KSR2: variants seen among roughly 807,000 people sequenced by gnomAD.
KSR2 encodes the protein kinase suppressor of ras 2.
KSR2 carries 25 observed loss-of-function variants against 107.8 expected under a neutral mutation model. The ratio of observed to expected loss-of-function variants is 0.23; its 90% CI spans 0.17 to 0.32. The LOEUF (loss-of-function observed/expected upper bound fraction) is 0.32, where lower values mean the gene tolerates loss of function less well. KSR2 is among the 10% of genes least tolerant of loss of function. The pLI is 1.00. For synonymous variants in KSR2, 480 were observed against 507.0 expected (o/e 0.95, Z 0.71); for missense variants, 887 against 1,268.9 (o/e 0.70, Z 4.57).
intron 1 of KSR2, among the ~76,000 whole-genome samples, chr12:117,939,670 C>A (rs1593387205): frequency 6.6e-6 from 1 of 151,950 alleles, no homozygotes; most frequent in South Asian, 2.1e-4. Context: ...CGAGATAGTG[C>A]CACTGTACTC....
At chr12:117,610,334 C>A (rs1475060652) in intron 5 of KSR2, among the ~76,000 whole-genome samples, 1 of 152,174 alleles carries the variant, frequency 6.6e-6, no homozygotes, top group East Asian at 1.9e-4. Context: ...TTTAGAATAA[C>A]AGAATTGTTT....
chr12:117,811,351 A>C (rs1025285601), intron 3 of KSR2, among the ~76,000 whole-genome samples: 2 of 152,210 alleles, frequency 1.3e-5, no homozygotes, highest in Non-Finnish European at 2.9e-5. Flanking sequence ...ATTTGGGGGA[A>C]GGAATAACTT....
At chr12:117,482,382 A>G (rs904994830) in intron 16 of KSR2, among the ~76,000 whole-genome samples, 4 of 152,206 alleles carry the variant, frequency 2.6e-5, no homozygotes, top group Non-Finnish European at 4.4e-5. Context: ...GAGGGATGAC[A>G]ATACCTTGTT....
At chr12:117,794,371 ACACT>A (rs1319308541) in intron 3 of KSR2, among the ~76,000 whole-genome samples, 1 of 100,986 alleles carries the variant, frequency 9.9e-6, no homozygotes, top group Non-Finnish European at 1.9e-5. Context: ...ACCAACATGC[ACACT>A]CACACCAACA....
chr12:117,784,744 C>T (rs756305040), intron 3 of KSR2, among the ~76,000 whole-genome samples: 2 of 152,004 alleles, frequency 1.3e-5, no homozygotes, highest in Non-Finnish European at 2.9e-5. Flanking sequence ...ATCTTTTTGG[C>T]CAAAAGAACT....
intron 3 of KSR2, among the ~76,000 whole-genome samples, chr12:117,835,133 C>G (rs980242734): frequency 5.9e-5 from 9 of 152,150 alleles, no homozygotes; most frequent in African/African-American, 2.2e-4. Flanking sequence ...TGTGGCTGAC[C>G]CAGGCTCCCA....
At chr12:117,740,763 G>C (rs959840213) in intron 4 of KSR2, among the ~76,000 whole-genome samples, 2 of 151,206 alleles carry the variant, frequency 1.3e-5, no homozygotes, top group African/African-American at 4.9e-5. Flanking sequence ...ATTGCAAATT[G>C]TGCTGCTATA....
In KSR2 at chr12:117,928,475, C is replaced by T. The variant is rs952535067; in HGVS notation, c.180+39601G>A. 7.2e-5 allele frequency among the ~76,000 whole-genome samples: 11 copies of T among 152,286 alleles called. No homozygotes were observed. In the South Asian group the frequency reaches 8.3e-4, roughly 11 times the overall value. ...CTGGGATTACAGGCATGAGCCACCA[C>T]GCCTGGCCTTCATTCCTTTGTAAGG... On this transcript the variant is annotated intron_variant, in intron 1 of 19. Transcript: ENST00000339824.
At chr12:117,773,825 G>A (rs1361507067) in intron 3 of KSR2, among the ~76,000 whole-genome samples, 2 of 152,174 alleles carry the variant, frequency 1.3e-5, no homozygotes, top group African/African-American at 4.8e-5. Context: ...GAAAAGCGAA[G>A]TACAATAAGT....
At chr12:117,665,329 G>C (rs1829904515) in intron 5 of KSR2, among the ~76,000 whole-genome samples, 1 of 152,132 alleles carries the variant, frequency 6.6e-6, no homozygotes, top group Non-Finnish European at 1.5e-5. Flanking sequence ...GTAGGGACGG[G>C]GGCTCAAATG....
At chr12:117,772,571 C>T (rs1393997159) in intron 3 of KSR2, among the ~76,000 whole-genome samples, 2 of 148,648 alleles carry the variant, frequency 1.3e-5, no homozygotes, top group Admixed American at 1.3e-4. Flanking sequence ...AACACACACT[C>T]ATACACACAC....
At chr12:117,926,501 G>C (rs1053128753) in intron 1 of KSR2, among the ~76,000 whole-genome samples, 2 of 152,240 alleles carry the variant, frequency 1.3e-5, no homozygotes, top group African/African-American at 4.8e-5. Flanking sequence ...GGCTGCTTCA[G>C]ATGAGGAAAA....
chr12:117,927,650 G>A (rs1338687371), intron 1 of KSR2, among the ~76,000 whole-genome samples: 5 of 151,722 alleles, frequency 3.3e-5, no homozygotes, highest in African/African-American at 1.2e-4. Context: ...CCAAGATCAC[G>A]CTACTGCACT....
intron 9 of KSR2, among the ~76,000 whole-genome samples, chr12:117,551,327 T>A (rs1262579993): frequency 6.6e-6 from 1 of 152,096 alleles, no homozygotes; most frequent in South Asian, 2.1e-4. Context: ...TTCCTTCTCC[T>A]CTTTCTCTGT....
intron 3 of KSR2, among the ~76,000 whole-genome samples, chr12:117,829,770 A>G (rs1891889914): frequency 6.6e-6 from 1 of 152,232 alleles, no homozygotes; most frequent in South Asian, 2.1e-4. Flanking sequence ...ACATGATTAG[A>G]TGTGACTGTG....
intron 3 of KSR2, among the ~76,000 whole-genome samples, chr12:117,804,015 C>A (rs896658163): frequency 6.6e-6 from 1 of 152,158 alleles, no homozygotes; most frequent in Non-Finnish European, 1.5e-5. Flanking sequence ...AACTGAGTTT[C>A]ATTGACACAT....
At chr12:117,580,431 T>C (rs1463759316) in intron 6 of KSR2, among the ~76,000 whole-genome samples, 1 of 152,218 alleles carries the variant, frequency 6.6e-6, no homozygotes, top group East Asian at 1.9e-4. Flanking sequence ...GCCAGCCACA[T>C]AGGAGTGGCG....
At chr12:117,846,689 T>C (rs890117206) in intron 3 of KSR2, among the ~76,000 whole-genome samples, 4 of 152,276 alleles carry the variant, frequency 2.6e-5, no homozygotes, top group African/African-American at 9.6e-5. Flanking sequence ...GGGGATGTTC[T>C]AGAACTGTGC....
intron 1 of KSR2, among the ~76,000 whole-genome samples, chr12:117,946,189 A>G (rs1470769165): frequency 6.6e-6 from 1 of 152,188 alleles, no homozygotes; most frequent in Non-Finnish European, 1.5e-5. Flanking sequence ...ACAGGAAGAA[A>G]AGGGCAAAAT....
Sources: allele counts gnomAD v4.1 joint callset (sites outside exome capture counted in the v4.1 genomes callset), GRCh38; gene constraint gnomAD v4.1.1; transcripts MANE v1.5; gene names NCBI Gene and HGNC (gene_info 2026-07-23, HGNC 2026-07-21).